Variants in C2orf49 observed in about 807,000 individuals in gnomAD.
C2orf49 encodes the protein tRNA splicing ligase complex subunit 2, also known as tRNA-splicing ligase complex subunit ASW.
Under a neutral mutation model 20.6 loss-of-function variants are expected in C2orf49, and 11 were observed. The ratio of observed to expected loss-of-function variants is 0.53; its 90% CI spans 0.34 to 0.88. C2orf49 has a LOEUF of 0.88. Ranked by LOEUF, C2orf49 falls within the 40% of genes least tolerant of loss-of-function variation. The probability of loss-of-function intolerance (pLI) is 0.02; values close to 1 mark genes in which losing one functional copy is unlikely to be tolerated. For synonymous variants in C2orf49, 134 were observed against 108.5 expected (o/e 1.24, Z -1.46); for missense variants, 289 against 274.2 (o/e 1.05, Z -0.38).
At chr2:105,363,187 T>C in the C2orf49 span, 1 of 1,170,186 alleles carries the variant, frequency 8.5e-7, no homozygotes, top group South Asian at 1.5e-5. Context: ...TAGGGAGGTC[T>C]GGGGAGTTGA....
the C2orf49 span, among the ~76,000 whole-genome samples, chr2:105,371,632 A>G: frequency 6.6e-6 from 1 of 151,590 alleles, no homozygotes; most frequent in Admixed American, 6.6e-5. Flanking sequence ...TTCTCTGGAG[A>G]ACGTGACTAA....
In C2orf49 at chr2:105,339,660, A is replaced by G. The variant is rs1231938286; in HGVS notation, c.177A>G (p.Pro59=). 4 of 1,609,998 alleles carry G rather than the reference A, an allele frequency of 2.5e-6. 1 individual carries two copies. The highest frequency in any genetic ancestry group is 2.2e-5 in the South Asian group (2 of 89,790). ...ACCTTTATGTCCAACATGCAATACC[A>G]TTGCCTCAGAGGGATTTGCCGAAGA... The part of the protein sequence containing the change: ...LTDLYVQHAI[P]LPQRDLPKNR... The change falls in exon 2 of 4, where the codon CCA becomes CCG. Residue 59 remains proline (P), a synonymous_variant. Coordinates refer to ENST00000258457, the MANE Select transcript of C2orf49 (RefSeq NM_024093.3).
Position 105,339,605 on chromosome 2 carries a change from A to T in C2orf49, c.122A>T (p.Asp41Val), listed in dbSNP as rs147396516. Reference protein sequence around the residue: ...LEQKNIAVETDVRVNKDSLTD... With the variant: ...LEQKNIAVETVVRVNKDSLTD... ...CAGAAGAACATAGCTGTTGAAACTG[A>T]TGTAAGAGTAAACAAAGACAGTCTT... is the stretch of plus-strand genomic sequence containing the variant. Residue 41 changes from aspartate to valine, a missense_variant, in exon 2 of 4, where the codon GAT (aspartate) becomes GTT (valine). Physicochemically the swap from Asp to Val is radical, Grantham distance 152. Transcript: ENST00000258457. 7.1e-5 allele frequency: 113 copies of T among 1,596,084 alleles called. No homozygotes were observed. The African/African-American group carries it at 1.2e-3, about 17-fold the overall frequency.
the C2orf49 span, chr2:105,363,272 C>T: frequency 6.2e-7 from 1 of 1,613,360 alleles, no homozygotes; most frequent in Non-Finnish European, 8.5e-7. Context: ...AATGGGAACC[C>T]CGGGACACTC....
chr2:105,361,483 C>T, the C2orf49 span: 1 of 1,540,796 alleles, frequency 6.5e-7, no homozygotes, highest in South Asian at 1.1e-5. Context: ...TAGAATCAGG[C>T]AACTGGGACT....
chr2:105,342,813 T>C lies in C2orf49; in HGVS notation c.267-35T>C, dbSNP rs377250810. 1.7e-4 allele frequency: 260 copies of C among 1,571,170 alleles called. No homozygotes were observed. The African/African-American group carries it at 3.3e-3, about 20-fold the overall frequency. ...CAGTGAACTGGTTTGCCGTTCCAGA[T>C]GGTATTTTTCAAGAGTGCATCTCTT... is the stretch of plus-strand genomic sequence containing the variant. On this transcript the variant is annotated intron_variant, in intron 2 of 3. Transcript: ENST00000258457.
the C2orf49 span, among the ~76,000 whole-genome samples, chr2:105,380,855 T>C: frequency 6.6e-6 from 1 of 152,358 alleles, no homozygotes; most frequent in African/African-American, 2.4e-5. Flanking sequence ...AGAAATGTCA[T>C]ACATTGCAGT....
At chr2:105,368,883 G>A in the C2orf49 span, among the ~76,000 whole-genome samples, 1 of 152,200 alleles carries the variant, frequency 6.6e-6, no homozygotes, top group Non-Finnish European at 1.5e-5. Context: ...TGAGGGGCCT[G>A]GCCACTGTGT....
intron 2 of C2orf49, among the ~76,000 whole-genome samples, chr2:105,341,780 G>GTGCTGGTGC (rs1679676254): frequency 1.3e-5 from 2 of 152,238 alleles, no homozygotes; most frequent in Admixed American, 1.3e-4. Flanking sequence ...TGACGTTGCT[G>GTGCTGGTGC]TGCTGGTGCT....
chr2:105,346,132 C>A lies in C2orf49; in HGVS notation c.*761C>A, dbSNP rs1679804703. 6.6e-6 allele frequency: 1 copy of A among 152,134 alleles called. No individual in the cohort carries two copies. Among genetic ancestry groups the A allele is most frequent in the South Asian group, 2.1e-4 (1 of 4,824 alleles). 9.4% of individuals were successfully genotyped at this position (152,134 alleles called of 1,614,324 possible). A position where few individuals can be genotyped will look rare whatever the true frequency, so the allele number is the denominator to read the frequency against. On this transcript the variant is annotated 3_prime_UTR_variant, in exon 4 of 4. Transcript: ENST00000258457. ...AAAGCAGAAGCATATACCAATTTATCACAGTATTTTAGTAAATACTGCAAC... is the reference window on the plus strand; with the variant it reads ...AAAGCAGAAGCATATACCAATTTATAACAGTATTTTAGTAAATACTGCAAC...
At chr2:105,351,329 A>T (rs1215992740), downstream of C2orf49, among the ~76,000 whole-genome samples, 1 of 79,792 alleles carries the variant, frequency 1.3e-5, no homozygotes, top group East Asian at 3.4e-4. Context: ...CCCCCCCCAA[A>T]AAAAAAGGTT....
At chr2:105,370,010 C>T in the C2orf49 span, among the ~76,000 whole-genome samples, 19 of 152,206 alleles carry the variant, frequency 1.2e-4, no homozygotes, top group Admixed American at 1.1e-3. Flanking sequence ...AACTGAATCG[C>T]ACACTCTGAA....
At chr2:105,365,682 A>G in the C2orf49 span, among the ~76,000 whole-genome samples, 12 of 151,980 alleles carry the variant, frequency 7.9e-5, no homozygotes, top group East Asian at 2.3e-3. Flanking sequence ...TACAAAAAAA[A>G]AAAAAAAAAA....
the C2orf49 span, chr2:105,373,645 G>A: frequency 6.2e-7 from 1 of 1,614,058 alleles, no homozygotes; most frequent in Admixed American, 1.7e-5. Flanking sequence ...GTCCTCCTTG[G>A]CAGCAAAGGG....
downstream of C2orf49, among the ~76,000 whole-genome samples, chr2:105,352,354 G>A (rs1382662215): frequency 6.7e-6 from 1 of 150,348 alleles, no homozygotes; most frequent in Non-Finnish European, 1.5e-5. Flanking sequence ...CTGTACTTAG[G>A]CTGTAAATAA....
intron 3 of C2orf49, among the ~76,000 whole-genome samples, chr2:105,344,394 A>T (rs1172985009): frequency 6.6e-6 from 1 of 152,096 alleles, no homozygotes; most frequent in East Asian, 1.9e-4. Flanking sequence ...CCAGGCTCTT[A>T]AACAGCATTT....
At chr2:105,352,452 G>GTTTTTTTTT (rs71379724), downstream of C2orf49, among the ~76,000 whole-genome samples, 23 of 68,064 alleles carry the variant, frequency 3.4e-4, no homozygotes, top group African/African-American at 6.9e-4. Flanking sequence ...TTTTTTTTTC[G>GTTTTTTTTT]TTTTTTTTTT....
the C2orf49 span, among the ~76,000 whole-genome samples, chr2:105,384,327 T>C: frequency 6.6e-6 from 1 of 151,986 alleles, no homozygotes; most frequent in African/African-American, 2.4e-5. Context: ...AGAGAGAGGG[T>C]GAAGCTTCTG....
chr2:105,342,402 C>T (rs1397423715), intron 2 of C2orf49, among the ~76,000 whole-genome samples: 1 of 152,164 alleles, frequency 6.6e-6, no homozygotes, highest in Non-Finnish European at 1.5e-5. Context: ...GAGACCTTTG[C>T]TGAATGGAGT....
Sources: gnomAD v4.1 joint callset for allele counts (sites outside exome capture counted in the v4.1 genomes callset) on GRCh38, gnomAD v4.1.1 for gene constraint, MANE v1.5 for transcripts, NCBI Gene and HGNC (gene_info 2026-07-23, HGNC 2026-07-21) for gene names.